The following ST7 variants were observed in gnomAD, a reference collection of about 807,000 sequenced individuals.
ST7 encodes suppressor of tumorigenicity 7 protein.
Under a neutral mutation model 78.7 loss-of-function variants are expected in ST7, and 28 were observed. The observed-to-expected ratio is 0.36, with a 90% CI of 0.26 to 0.49. The LOEUF is 0.49. Among genes scored for constraint, ST7 ranks in the 20% least tolerant of loss-of-function variants. ST7 has a pLI of 0.99. For synonymous variants in ST7, 247 were observed against 249.6 expected (o/e 0.99, Z 0.10); for missense variants, 418 against 696.0 (o/e 0.60, Z 4.49).
In ST7 at chr7:116,959,395, G is replaced by A. The variant is rs1447173961; in HGVS notation, c.151+5704G>A. The stretch of plus-strand genomic sequence containing the variant: ...TGTGGGTCAGTGTTTGTGTATATAT[G>A]CATCTTTTTTTGTATATGTATGTTT... On this transcript the variant is annotated intron_variant, in intron 1 of 15. Coordinates refer to ENST00000323984, the MANE Select transcript of ST7 (RefSeq NM_001369598.1). The A allele has an allele frequency of 2.3e-5, 8 of 341,930 alleles. No individual in the cohort carries two copies. In the East Asian group the frequency reaches 6.0e-4, roughly 25 times the overall value. 21.2% of individuals were successfully genotyped at this position (341,930 alleles called of 1,614,324 possible).
intron 1 of ST7, among the ~76,000 whole-genome samples, chr7:116,981,000 CA>C (rs1362462104): frequency 2.6e-5 from 4 of 152,134 alleles, no homozygotes; most frequent in Non-Finnish European, 5.9e-5. Context: ...TTTTTTTCTG[CA>C]AAAGTTCCTC....
chr7:116,966,692 C>T (rs1202062502), intron 1 of ST7, among the ~76,000 whole-genome samples: 1 of 152,198 alleles, frequency 6.6e-6, no homozygotes, highest in East Asian at 1.9e-4. Context: ...AATGTCAATC[C>T]TTTCAAATCA....
chr7:117,163,504 A>G (rs1483687398), intron 9 of ST7, among the ~76,000 whole-genome samples: 1 of 152,108 alleles, frequency 6.6e-6, no homozygotes, highest in African/African-American at 2.4e-5. Flanking sequence ...GGAGGAGATG[A>G]TACTACATTG....
intron 1 of ST7, chr7:117,073,781 T>C (rs1799145536): frequency 6.6e-6 from 1 of 152,214 alleles, no homozygotes. Context: ...ATTAGCCCTA[T>C]AAATGTTTGT....
intron 1 of ST7, among the ~76,000 whole-genome samples, chr7:116,962,404 A>G (rs1562979109): frequency 1.3e-5 from 2 of 152,220 alleles, no homozygotes; most frequent in African/African-American, 4.8e-5. Context: ...CATCCCACCA[A>G]CAGTGTAAAG....
intron 12 of ST7, among the ~76,000 whole-genome samples, chr7:117,206,879 T>C (rs1791809021): frequency 1.3e-5 from 2 of 152,318 alleles, no homozygotes; most frequent in South Asian, 4.1e-4. Flanking sequence ...TTTTCCGTGA[T>C]CATGGAAATA....
At chr7:116,965,445 T>C (rs1466614031) in intron 1 of ST7, among the ~76,000 whole-genome samples, 1 of 151,106 alleles carries the variant, frequency 6.6e-6, no homozygotes, top group Non-Finnish European at 1.5e-5. Flanking sequence ...TTAGGACAAA[T>C]ACCTAATGCA....
intron 1 of ST7, among the ~76,000 whole-genome samples, chr7:117,053,390 T>G (rs1797893406): frequency 6.6e-6 from 1 of 152,338 alleles, no homozygotes; most frequent in South Asian, 2.1e-4. Flanking sequence ...CTACTCTTGT[T>G]AGGGAAGTCA....
chr7:117,083,178 G>C (rs1019734588), intron 1 of ST7, among the ~76,000 whole-genome samples: 1 of 151,848 alleles, frequency 6.6e-6, no homozygotes, highest in African/African-American at 2.4e-5. Context: ...TCTTGCTTCA[G>C]CTTCCAGAGT....
intron 2 of ST7, among the ~76,000 whole-genome samples, chr7:117,111,888 C>T (rs185481005): frequency 1.3e-5 from 2 of 152,262 alleles, no homozygotes; most frequent in African/African-American, 4.8e-5. Flanking sequence ...GCAGAAAATG[C>T]TCCCCTTAAT....
At chr7:117,226,080 T>C (rs1327346988) in intron 15 of ST7, among the ~76,000 whole-genome samples, 7 of 152,190 alleles carry the variant, frequency 4.6e-5, no homozygotes, top group Admixed American at 4.6e-4. Flanking sequence ...GATTTCTGAC[T>C]CTCATGTTCA....
chr7:117,123,058 A>G (rs890886072), intron 3 of ST7, among the ~76,000 whole-genome samples: 3 of 152,058 alleles, frequency 2.0e-5, no homozygotes, highest in Non-Finnish European at 2.9e-5. Flanking sequence ...GAATCTATTG[A>G]TTTTCTTGGA....
At chr7:116,982,024 G>C (rs1465009430) in intron 1 of ST7, among the ~76,000 whole-genome samples, 1 of 152,112 alleles carries the variant, frequency 6.6e-6, no homozygotes, top group African/African-American at 2.4e-5. Flanking sequence ...GTAATTAGTT[G>C]TGCTACAGTG....
chr7:117,164,835 C>G (rs1019976166), intron 9 of ST7, among the ~76,000 whole-genome samples: 3 of 98,996 alleles, frequency 3.0e-5, no homozygotes, highest in African/African-American at 1.2e-4. Context: ...AAACTTGCAG[C>G]CTTTATTGTT....
chr7:117,041,078 A>G (rs1338361891), intron 1 of ST7, among the ~76,000 whole-genome samples: 1 of 152,172 alleles, frequency 6.6e-6, no homozygotes, highest in East Asian at 1.9e-4. Flanking sequence ...ACAGCGCTTC[A>G]GGGCTGTATC....
At chr7:117,013,712 C>A (rs1489441329) in intron 1 of ST7, among the ~76,000 whole-genome samples, 5 of 152,250 alleles carry the variant, frequency 3.3e-5, no homozygotes, top group Admixed American at 3.3e-4. Context: ...CCTGTAGTCC[C>A]AGCTACTCTA....
chr7:116,984,113 C>CTGTGTGTGTGTG (rs56178812), intron 1 of ST7, among the ~76,000 whole-genome samples: 6 of 144,762 alleles, frequency 4.1e-5, no homozygotes, highest in South Asian at 2.3e-4. Flanking sequence ...TTTATGTCAG[C>CTGTGTGTGTGTG]TGTGTGTGTG....
Position 116,985,980 on chromosome 7 carries a change from G to A in ST7, c.151+32289G>A, listed in dbSNP as rs1381420081. Among the ~76,000 whole-genome samples the A allele has an allele frequency of 2.0e-5, 3 of 152,248 alleles. No homozygotes were observed. The East Asian group carries it at 5.8e-4, about 29-fold the overall frequency. ...CGCAAGTAGCTGGGATTACAGGCAT[G>A]CACCACCATGCCTGGCTAATATTTG... On this transcript the variant is annotated intron_variant, in intron 1 of 15. Coordinates refer to ENST00000323984, the MANE Select transcript of ST7 (RefSeq NM_001369598.1).
At chr7:117,095,112 G>T (rs548601865) in intron 1 of ST7, among the ~76,000 whole-genome samples, 3 of 152,218 alleles carry the variant, frequency 2.0e-5, no homozygotes, top group African/African-American at 7.2e-5. Flanking sequence ...TGGAATATAC[G>T]TAAGGAGGCA....
Sources: gnomAD v4.1 joint callset for allele counts (sites outside exome capture counted in the v4.1 genomes callset) on GRCh38, gnomAD v4.1.1 for gene constraint, MANE v1.5 for transcripts, NCBI Gene and HGNC (gene_info 2026-07-23, HGNC 2026-07-21) for gene names.